Variants in GSG1L observed in about 807,000 individuals in gnomAD.
GSG1L encodes germ cell-specific gene 1-like protein.
In GSG1L, 24 loss-of-function variants were observed where a neutral mutation model predicts 42.1. The ratio of observed to expected loss-of-function variants is 0.57; its 90% CI spans 0.41 to 0.80. The LOEUF is 0.80. Ranked by LOEUF, GSG1L falls within the 30% of genes least tolerant of loss-of-function variation. GSG1L has a pLI of 0.00. For synonymous variants in GSG1L, 215 were observed against 203.5 expected (o/e 1.06, Z -0.48); for missense variants, 445 against 472.2 (o/e 0.94, Z 0.53).
chr16:27,988,017 A>G (rs1490252275), intron 1 of GSG1L, among the ~76,000 whole-genome samples: 1 of 152,006 alleles, frequency 6.6e-6, no homozygotes, highest in African/African-American at 2.4e-5. Context: ...AGTAATTTCA[A>G]ATCTTAAAGT....
intron 3 of GSG1L, among the ~76,000 whole-genome samples, chr16:27,873,281 C>T (rs2083845735): frequency 6.6e-6 from 1 of 152,200 alleles, no homozygotes; most frequent in Non-Finnish European, 1.5e-5. Context: ...GAACATAAGC[C>T]TGACCTGGAT....
At chr16:27,913,843 A>G (rs975836057) in intron 2 of GSG1L, among the ~76,000 whole-genome samples, 1 of 151,946 alleles carries the variant, frequency 6.6e-6, no homozygotes, top group Non-Finnish European at 1.5e-5. Context: ...ATTATTTTAA[A>G]ATTTTTTTCT....
At chr16:27,887,736 G>A (rs768841275) in intron 2 of GSG1L, among the ~76,000 whole-genome samples, 17 of 152,262 alleles carry the variant, frequency 1.1e-4, no homozygotes, top group South Asian at 2.1e-4. Flanking sequence ...CATTCCTAGC[G>A]CAACAGTGCT....
chr16:28,004,771 C>A lies in GSG1L; in HGVS notation c.350-41568G>T, dbSNP rs540687284. ...CCAACCTGGGCAACAGAGCAAGACC[C>A]TGTCTCAAAATAAATAAACAAATAA... On this transcript the variant is annotated intron_variant, in intron 1 of 6. Coordinates refer to ENST00000447459, the MANE Select transcript of GSG1L (RefSeq NM_001109763.2). Among the ~76,000 whole-genome samples, 12 of 152,122 alleles carry A rather than the reference C, an allele frequency of 7.9e-5. No individual in the cohort carries two copies. In the South Asian group the frequency reaches 2.5e-3, roughly 32 times the overall value.
intron 3 of GSG1L, among the ~76,000 whole-genome samples, chr16:27,869,053 G>A (rs2083768341): frequency 6.6e-6 from 1 of 152,236 alleles, no homozygotes; most frequent in South Asian, 2.1e-4. Context: ...GAAGGCAGAT[G>A]TGAGTGCGAC....
At chr16:27,888,466 C>T (rs8046555) in intron 2 of GSG1L, among the ~76,000 whole-genome samples, 7,174 of 35,474 alleles carry the variant, frequency 0.2, 987 homozygotes, top group East Asian at 0.31. Context: ...CTTTCTTTCT[C>T]TCTCTCTCTC....
At chr16:28,023,812 C>T (rs2085871774) in intron 1 of GSG1L, among the ~76,000 whole-genome samples, 1 of 152,034 alleles carries the variant, frequency 6.6e-6, no homozygotes, top group Admixed American at 6.6e-5. Context: ...ATCGCTTGAG[C>T]CAAGGAGTTC....
intron 2 of GSG1L, among the ~76,000 whole-genome samples, chr16:27,928,808 C>T (rs543862470): frequency 4.6e-5 from 7 of 152,338 alleles, no homozygotes; most frequent in African/African-American, 1.4e-4. Flanking sequence ...CACCAGCCGG[C>T]GCTCCACTTA....
At position 28,059,416 on chromosome 16, in the gene GSG1L, C is replaced by G. The variant is rs2086316048; in HGVS notation, c.349+3660G>C. Among the ~76,000 whole-genome samples the G allele has an allele frequency of 6.6e-6, 1 of 152,036 alleles. No homozygotes were observed. The highest frequency in any genetic ancestry group is 1.5e-5 in the Non-Finnish European group (1 of 67,996). On this transcript the variant is annotated intron_variant, in intron 1 of 6. Transcript: ENST00000447459. This position sits in a 1 kb window ranked among gnomAD's most constrained non-coding sequence, Gnocchi z 4.4. ...CACCACCCAGCCCTGGGACTGGTCT[C>G]TCTCTTCTCTCTCCAGTCTCACCTC...
chr16:27,805,959 C>T (rs2144431068), intron 6 of GSG1L, among the ~76,000 whole-genome samples: 1 of 152,104 alleles, frequency 6.6e-6, no homozygotes, highest in East Asian at 1.9e-4. Context: ...CCAGGATTTC[C>T]CGCCTATTCT....
At chr16:27,806,155 T>C (rs1210494415) in intron 6 of GSG1L, among the ~76,000 whole-genome samples, 3 of 152,044 alleles carry the variant, frequency 2.0e-5, no homozygotes, top group Non-Finnish European at 4.4e-5. Context: ...GATCCCCTCT[T>C]CCAGGAAGCC....
At chr16:27,971,314 A>G (rs899965158) in intron 1 of GSG1L, among the ~76,000 whole-genome samples, 14 of 152,162 alleles carry the variant, frequency 9.2e-5, no homozygotes, top group African/African-American at 3.1e-4. Flanking sequence ...GATCTATTCA[A>G]ATTTCTTTTA....
intron 2 of GSG1L, among the ~76,000 whole-genome samples, chr16:27,903,509 G>A (rs1184761466): frequency 6.6e-6 from 1 of 152,170 alleles, no homozygotes; most frequent in African/African-American, 2.4e-5. Context: ...CCTCTGATGT[G>A]TGTCCCACAA....
intron 3 of GSG1L, among the ~76,000 whole-genome samples, chr16:27,864,619 T>A (rs1437376033): frequency 6.6e-6 from 1 of 152,204 alleles, no homozygotes; most frequent in Non-Finnish European, 1.5e-5. Context: ...GAATGACCTT[T>A]AGAAAAATAC....
At chr16:28,051,390 G>T (rs1167984486) in intron 1 of GSG1L, among the ~76,000 whole-genome samples, 1 of 151,916 alleles carries the variant, frequency 6.6e-6, no homozygotes, top group Non-Finnish European at 1.5e-5. Context: ...GCATTTCCTT[G>T]TTCATAAAAC....
Position 27,787,725 on chromosome 16 carries a change from C to T in GSG1L, c.*3645G>A, listed in dbSNP as rs2082709009. ...ATAGATTAAAATTTTCCCCATGTGT[C>T]AACTACAATCATCTCCTGGACCTCC... On this transcript the variant is annotated 3_prime_UTR_variant, in exon 7 of 7. Transcript: ENST00000447459. 3.3e-5 allele frequency: 5 copies of T among 152,168 alleles called. No homozygotes were observed. Among genetic ancestry groups the T allele is most frequent in the Admixed American group, 3.3e-4 (5 of 15,280 alleles). The allele number at this position is 152,168 out of a possible 1,614,324, so 9.4% of individuals were successfully genotyped here.
intron 2 of GSG1L, among the ~76,000 whole-genome samples, chr16:27,893,031 C>T (rs1251877953): frequency 1.3e-5 from 2 of 152,038 alleles, no homozygotes; most frequent in African/African-American, 2.4e-5. Flanking sequence ...GGCAGAGCCT[C>T]GCCTTAGTGA....
At chr16:27,941,259 A>C (rs904421110) in intron 2 of GSG1L, among the ~76,000 whole-genome samples, 18 of 152,172 alleles carry the variant, frequency 1.2e-4, no homozygotes. Context: ...ATATCTGATA[A>C]GGTGTTAATA....
At chr16:27,850,501 G>A (rs76906387) in intron 3 of GSG1L, 4,791 of 455,674 alleles carry the variant, frequency 0.011, 161 homozygotes, top group African/African-American at 0.082. Flanking sequence ...TGTAGGAAGA[G>A]GAGAGAGAAG....
Sources: allele counts gnomAD v4.1 joint callset (sites outside exome capture counted in the v4.1 genomes callset), GRCh38; gene constraint gnomAD v4.1.1; non-coding constraint Gnocchi (gnomAD v3.1); transcripts MANE v1.5; gene names NCBI Gene and HGNC (gene_info 2026-07-23, HGNC 2026-07-21).